Variants in RNF14 observed in about 807,000 individuals in gnomAD.
RNF14 encodes ring finger protein 14, also known as E3 ubiquitin-protein ligase RNF14.
Under a neutral mutation model 52.6 loss-of-function variants are expected in RNF14, and 26 were observed. The ratio of observed to expected loss-of-function variants is 0.49; its 90% CI spans 0.36 to 0.69. The LOEUF (loss-of-function observed/expected upper bound fraction) is 0.69, where lower values mean the gene tolerates loss of function less well. RNF14 is among the 30% of genes least tolerant of loss of function. The probability of loss-of-function intolerance (pLI) is 0.00; values close to 1 mark genes in which losing one functional copy is unlikely to be tolerated. For synonymous variants in RNF14, 194 were observed against 202.0 expected, an observed-to-expected ratio of 0.96 and a Z score of 0.34; for missense variants, 404 against 560.4, an observed-to-expected ratio of 0.72 and a Z score of 2.82.
intron 4 of RNF14, among the ~76,000 whole-genome samples, chr5:141,976,791 T>C (rs1380149632): frequency 3.1e-4 from 44 of 140,330 alleles, no homozygotes; most frequent in East Asian, 1.7e-3. Flanking sequence ...TTTTTTTTTT[T>C]TTTTTTTTTT....
intron 2 of RNF14, among the ~76,000 whole-genome samples, chr5:141,972,564 C>T (rs1254422271): frequency 6.6e-6 from 1 of 152,002 alleles, no homozygotes; most frequent in Non-Finnish European, 1.5e-5. Flanking sequence ...AAAACTTGCC[C>T]TAAAGATTCC....
the RNF14 span, among the ~76,000 whole-genome samples, chr5:141,950,342 G>A: frequency 6.6e-6 from 1 of 152,128 alleles, no homozygotes; most frequent in East Asian, 1.9e-4. Flanking sequence ...TGTTTGTTTG[G>A]TTTTGTTCCC....
At chr5:141,986,686 G>GTGGC (rs1755264496) in intron 8 of RNF14, among the ~76,000 whole-genome samples, 1 of 152,224 alleles carries the variant, frequency 6.6e-6, no homozygotes, top group African/African-American at 2.4e-5. Context: ...AGCCGGCAAG[G>GTGGC]TGGCTGTTAT....
chr5:141,978,526 T>C lies in RNF14; in HGVS notation c.530T>C (p.Val177Ala). The C allele has an allele frequency of 6.2e-7, 1 of 1,614,198 alleles. No homozygotes were observed. Among genetic ancestry groups the C allele is most frequent in the South Asian group, 1.1e-5 (1 of 91,084 alleles). ...TTTGGAGGAGCTGCTGGATCTGATG[T>C]AGACCAAGAGGAAATTGTGGATGAG... ...LDFGGAAGSD[V>A]DQEEIVDERA... Residue 177 changes from valine (V) to alanine (A), a missense_variant, in exon 5 of 9, where the codon GTA (valine) becomes GCA (alanine). Transcript: ENST00000394520.
chr5:141,965,627 C>T (rs252140), upstream of RNF14, among the ~76,000 whole-genome samples: 125,484 of 152,256 alleles, frequency 0.82, 51,950 homozygotes, highest in East Asian at 0.98. Flanking sequence ...GATGAGGAAT[C>T]GGCTCTAACC....
upstream of RNF14, chr5:141,956,585 A>G: frequency 6.2e-7 from 1 of 1,614,230 alleles, no homozygotes; most frequent in Non-Finnish European, 8.5e-7. Context: ...TATTTGGGCC[A>G]CTGCTCTCTG....
At chr5:141,984,298 A>G (rs907165104) in intron 7 of RNF14, among the ~76,000 whole-genome samples, 2 of 151,986 alleles carry the variant, frequency 1.3e-5, no homozygotes, top group African/African-American at 4.8e-5. Context: ...GGGTTTCACC[A>G]TGTTGGCCAG....
chr5:141,974,944 T>C lies in RNF14; in HGVS notation c.295T>C (p.Ser99Pro), dbSNP rs778418112. The change falls in exon 4 of 9, where the codon TCA (serine) becomes CCA (proline). Residue 99 changes from serine (S) to proline (P), a missense_variant. Coordinates refer to ENST00000394520, the MANE Select transcript of RNF14 (RefSeq NM_004290.5). Reference sequence around the variant, plus strand: ...ATTCACACTTAGTGGCAAATGGCTGTCACCAACTCAGGTTAGACTTGAAAC... The same window carrying C: ...ATTCACACTTAGTGGCAAATGGCTGCCACCAACTCAGGTTAGACTTGAAAC... ...PSFTLSGKWL[S>P]PTQLSALCKH... The C allele has an allele frequency of 8.7e-6, 14 of 1,613,630 alleles. No homozygotes were observed. The highest frequency in any genetic ancestry group is 1.1e-5 in the Non-Finnish European group (13 of 1,179,936).
chr5:141,964,789 T>A (rs1253617338), upstream of RNF14, among the ~76,000 whole-genome samples: 3 of 149,228 alleles, frequency 2.0e-5, no homozygotes, highest in South Asian at 2.1e-4. Context: ...AATTTTTTTT[T>A]TTTTTTTTTG....
At chr5:141,982,200 T>C (rs1055020685) in intron 6 of RNF14, among the ~76,000 whole-genome samples, 1 of 152,204 alleles carries the variant, frequency 6.6e-6, no homozygotes, top group East Asian at 1.9e-4. Flanking sequence ...TGTATGTATA[T>C]ATTATATAAA....
At position 141,983,562 on chromosome 5, in the gene RNF14, T is replaced by G; in HGVS notation, c.1236+10T>G. 6.2e-7 allele frequency: 1 copy of G among 1,603,764 alleles called. No homozygotes were observed. Among genetic ancestry groups the G allele is most frequent in the African/African-American group, 1.3e-5 (1 of 74,410 alleles). ...TGGAACTCCCATAGAGGTAAATGTTTTGGGACAGACTTGGAGGCCATCAGA... is the reference window on the plus strand; with the variant it reads ...TGGAACTCCCATAGAGGTAAATGTTGTGGGACAGACTTGGAGGCCATCAGA... On this transcript the variant is annotated intron_variant, in intron 7 of 8. Transcript: ENST00000394520.
At chr5:141,968,438 T>G (rs186303218), upstream of RNF14, among the ~76,000 whole-genome samples, 44 of 152,306 alleles carry the variant, frequency 2.9e-4, no homozygotes, top group Non-Finnish European at 5.1e-4. Context: ...TTCTTACATT[T>G]AGGTCGTTGA....
chr5:141,974,933 G>A lies in RNF14; in HGVS notation c.284G>A (p.Gly95Asp), dbSNP rs777300776. ...SSSPPSFTLSGKWLSPTQLSA... is the reference protein window; with the variant it reads ...SSSPPSFTLSDKWLSPTQLSA... The stretch of plus-strand genomic sequence containing the variant: ...TCCCCACCTTCATTCACACTTAGTG[G>A]CAAATGGCTGTCACCAACTCAGGTT... Residue 95 changes from glycine to aspartate, a missense_variant, in exon 4 of 9, where the codon GGC (glycine) becomes GAC (aspartate). Coordinates refer to ENST00000394520, the MANE Select transcript of RNF14 (RefSeq NM_004290.5). 1 of 1,613,600 alleles carries A rather than the reference G, an allele frequency of 6.2e-7. No individual in the cohort carries two copies. The highest frequency in any genetic ancestry group is 1.1e-5 in the South Asian group (1 of 91,012).
Position 141,978,457 on chromosome 5 carries a change from T to C in RNF14, c.461T>C (p.Val154Ala), listed in dbSNP as rs143248185. The C allele has an allele frequency of 2.0e-4, 316 of 1,614,030 alleles. No homozygotes were observed. The highest frequency in any genetic ancestry group is 2.5e-4 in the Non-Finnish European group (296 of 1,180,032). Residue 154 changes from valine (V) to alanine (A), a missense_variant, in exon 5 of 9, where the codon GTG (valine) becomes GCG (alanine). By Grantham distance (64) the Val-to-Ala change is moderately conservative. Transcript: ENST00000394520. ...FELKIGSQKK[V>A]QRRTAQASPN... ...CTCAAGATTGGTTCTCAGAAAAAAG[T>C]GCAGAGAAGGACAGCTCAAGCTTCT... is the stretch of plus-strand genomic sequence containing the variant.
Position 141,984,946 on chromosome 5 carries a change from A to G in RNF14, c.1367+13A>G, listed in dbSNP as rs252099. ...CATGTTTTAACCGGTATGTATACACAGAATTCCTCAGGCTCACCAGCAATT... is the reference window on the plus strand; with the variant it reads ...CATGTTTTAACCGGTATGTATACACGGAATTCCTCAGGCTCACCAGCAATT... On this transcript the variant is annotated intron_variant, in intron 8 of 8. Transcript: ENST00000394520. 0.85 allele frequency: 1,373,937 copies of G among 1,607,530 alleles called. 588,393 individuals are homozygous for G. The highest frequency in any genetic ancestry group is 0.99 in the East Asian group (44,156 of 44,718).
chr5:141,965,756 G>C (rs570323758), upstream of RNF14, among the ~76,000 whole-genome samples: 211 of 152,208 alleles, frequency 1.4e-3, 2 homozygotes, highest in South Asian at 2.5e-3. Context: ...GAAGCTAAAT[G>C]ATGAGAACAC....
chr5:141,960,796 G>C (rs1233057006), intron 1 of RNF14, among the ~76,000 whole-genome samples: 1 of 152,204 alleles, frequency 6.6e-6, no homozygotes, highest in East Asian at 1.9e-4. Context: ...AGGCCTTTTG[G>C]CTGCACCCTG....
chr5:141,973,710 A>T lies in RNF14; in HGVS notation c.122A>T (p.Asp41Val). The change falls in exon 3 of 9, where the codon GAT becomes GTT. Residue 41 changes from aspartate (D) to valine (V), a missense_variant. Asp to Val is a radical substitution (Grantham distance 152, BLOSUM62 -3). Coordinates refer to ENST00000394520, the MANE Select transcript of RNF14 (RefSeq NM_004290.5). ...GGTGGAGAAACCAGGATCTATTTGGATTTGCCACAGAATTTCAAGATATTT... is the reference window on the plus strand; with the variant it reads ...GGTGGAGAAACCAGGATCTATTTGGTTTTGCCACAGAATTTCAAGATATTT... ...VQGGETRIYL[D>V]LPQNFKIFVS... The T allele has an allele frequency of 6.2e-7, 1 of 1,610,040 alleles. No individual in the cohort carries two copies. Among genetic ancestry groups the T allele is most frequent in the Non-Finnish European group, 8.5e-7 (1 of 1,178,898 alleles).
At chr5:141,973,504 TTG>T in intron 2 of RNF14, 77 bp from the exon 3 acceptor site, 2 of 1,239,850 alleles carry the variant, frequency 1.6e-6, no homozygotes, top group Admixed American at 4.8e-5. Context: ...TCCCAAAGTG[TTG>T]GGATTACAGG....
Sources: gnomAD v4.1 joint callset for allele counts (sites outside exome capture counted in the v4.1 genomes callset) on GRCh38, gnomAD v4.1.1 for gene constraint, MANE v1.5 for transcripts, NCBI Gene and HGNC (gene_info 2026-07-23, HGNC 2026-07-21) for gene names.